Variants in HECW1 observed in about 807,000 individuals in gnomAD.
The protein encoded by HECW1 is E3 ubiquitin-protein ligase HECW1.
A neutral mutation model predicts 182.3 loss-of-function variants in HECW1; 61 were observed. The ratio of observed to expected loss-of-function variants is 0.33; its 90% CI spans 0.27 to 0.41. HECW1 has a LOEUF of 0.41. HECW1 is among the 10% of genes least tolerant of loss of function. The probability of loss-of-function intolerance (pLI) is 1.00; values close to 1 mark genes in which losing one functional copy is unlikely to be tolerated. For synonymous variants in HECW1, 859 were observed against 832.6 expected, an observed-to-expected ratio of 1.03 and a Z score of -0.55; for missense variants, 1,739 against 2,108.9, an observed-to-expected ratio of 0.82 and a Z score of 3.44.
chr7:43,550,569 C>A lies in HECW1; in HGVS notation c.4373C>A (p.Ala1458Glu). The change falls in exon 27 of 30, where the codon GCG (alanine) becomes GAG (glutamate). Residue 1458 changes from alanine to glutamate, a missense_variant. By Grantham distance (107) the Ala-to-Glu change is moderately radical. Coordinates refer to ENST00000395891, the MANE Select transcript of HECW1 (RefSeq NM_015052.5). ...CGCGGCGTGGTACAGCAGACCGAGGCGCTGGTGCGCGGCTTCTACGAGGTG... is the reference window on the plus strand; with the variant it reads ...CGCGGCGTGGTACAGCAGACCGAGGAGCTGGTGCGCGGCTTCTACGAGGTG... ...VERGVVQQTE[A>E]LVRGFYEVVD... 1 of 1,606,820 alleles carries A rather than the reference C, an allele frequency of 6.2e-7. No individual in the cohort carries two copies. The highest frequency in any genetic ancestry group is 8.5e-7 in the Non-Finnish European group (1 of 1,176,778).
chr7:43,188,945 T>C (rs1450031503), intron 2 of HECW1, among the ~76,000 whole-genome samples: 1 of 152,206 alleles, frequency 6.6e-6, no homozygotes, highest in Non-Finnish European at 1.5e-5. Flanking sequence ...ACAGCCTACA[T>C]TTAAGCCAAT....
chr7:43,203,619 G>A (rs56105653), intron 2 of HECW1, among the ~76,000 whole-genome samples: 50,949 of 151,920 alleles, frequency 0.34, 9,474 homozygotes, highest in Non-Finnish European at 0.41. Context: ...CACCATACCC[G>A]GCTAATTTTT....
At chr7:43,165,410 T>G (rs1429710239) in intron 2 of HECW1, among the ~76,000 whole-genome samples, 2 of 150,174 alleles carry the variant, frequency 1.3e-5, no homozygotes, top group African/African-American at 2.5e-5. Flanking sequence ...GGGGGGGTGT[T>G]TGTGTGTGTG....
At chr7:43,125,825 G>C (rs150533381) in intron 2 of HECW1, among the ~76,000 whole-genome samples, 1 of 150,358 alleles carries the variant, frequency 6.7e-6, no homozygotes, top group Non-Finnish European at 1.5e-5. Flanking sequence ...GGAGCCAAGC[G>C]GCCTTTTGTA....
chr7:43,519,762 A>G (rs904787825), intron 24 of HECW1, among the ~76,000 whole-genome samples: 63 of 152,232 alleles, frequency 4.1e-4, no homozygotes, highest in African/African-American at 1.4e-3. Flanking sequence ...AGATTTCCTC[A>G]AGATATTGTT....
intron 2 of HECW1, among the ~76,000 whole-genome samples, chr7:43,142,734 G>C (rs1255140797): frequency 6.6e-6 from 1 of 152,162 alleles, no homozygotes. Context: ...TATACACATT[G>C]GTTCTTTTAG....
chr7:43,335,223 C>A (rs1049503811), intron 5 of HECW1, among the ~76,000 whole-genome samples: 1 of 152,156 alleles, frequency 6.6e-6, no homozygotes, highest in African/African-American at 2.4e-5. Flanking sequence ...TTACTGCTAG[C>A]CTAATCACCA....
chr7:43,501,183 CT>C (rs567367189), intron 20 of HECW1, 29 bp from the exon 21 acceptor site: 68,160 of 733,138 alleles, frequency 0.093, 57 homozygotes, highest in East Asian at 0.17. Context: ...TCTTTTCTTT[CT>C]TTTTTTTTTT....
chr7:43,528,505 G>A (rs13226386), intron 24 of HECW1, among the ~76,000 whole-genome samples: 82,652 of 152,068 alleles, frequency 0.54, 22,629 homozygotes, highest in Non-Finnish European at 0.59. Context: ...TCACACTTTC[G>A]AATGATCAGT....
At chr7:43,318,261 T>A (rs140997678) in intron 4 of HECW1, among the ~76,000 whole-genome samples, 1 of 152,318 alleles carries the variant, frequency 6.6e-6, no homozygotes, top group African/African-American at 2.4e-5. Flanking sequence ...TCTACCTGGG[T>A]GTGAAACTTG....
chr7:43,251,241 A>G (rs1799995097), intron 3 of HECW1, among the ~76,000 whole-genome samples: 1 of 152,188 alleles, frequency 6.6e-6, no homozygotes, highest in Non-Finnish European at 1.5e-5. Flanking sequence ...CTGCAATCCC[A>G]GATTCCTTTT....
At chr7:43,332,252 A>G (rs1035026046) in intron 5 of HECW1, among the ~76,000 whole-genome samples, 51 of 152,240 alleles carry the variant, frequency 3.3e-4, no homozygotes, top group Admixed American at 1.7e-3. Context: ...GCCACTCTAC[A>G]TACAAAATGA....
At chr7:43,479,562 G>GC in intron 16 of HECW1, 48 bp from the exon 17 acceptor site, 1 of 1,611,424 alleles carries the variant, frequency 6.2e-7, no homozygotes, top group Non-Finnish European at 8.5e-7. Context: ...CTCCATTTTG[G>GC]CCTATTCTCA....
At chr7:43,129,822 G>T (rs1392809367) in intron 2 of HECW1, among the ~76,000 whole-genome samples, 1 of 152,104 alleles carries the variant, frequency 6.6e-6, no homozygotes, top group African/African-American at 2.4e-5. Context: ...TGTGGTACCT[G>T]CCCATAAGCT....
At chr7:43,269,453 G>A (rs951280158) in intron 3 of HECW1, among the ~76,000 whole-genome samples, 3 of 152,184 alleles carry the variant, frequency 2.0e-5, no homozygotes, top group Non-Finnish European at 4.4e-5. Context: ...CACGCCCATG[G>A]CATTTCACTA....
chr7:43,366,340 G>T (rs941967988), intron 6 of HECW1, among the ~76,000 whole-genome samples: 1 of 152,064 alleles, frequency 6.6e-6, no homozygotes, highest in African/African-American at 2.4e-5. Flanking sequence ...ACAAATAATT[G>T]ATAAATACCC....
chr7:43,252,419 G>A lies in HECW1; in HGVS notation c.27+8487G>A, dbSNP rs556019204. On this transcript the variant is annotated intron_variant, in intron 3 of 29. Transcript: ENST00000395891. ...CTGGCAGCTTTAGCATCACCTGGGA[G>A]CTCCAAAAAGTAAACTCCAGAGCCC... Among the ~76,000 whole-genome samples the A allele has an allele frequency of 3.3e-5, 5 of 152,326 alleles. No homozygotes were observed. In the South Asian group the frequency reaches 8.3e-4, roughly 25 times the overall value.
chr7:43,188,822 C>T (rs1411349516), intron 2 of HECW1, among the ~76,000 whole-genome samples: 1 of 152,182 alleles, frequency 6.6e-6, no homozygotes, highest in East Asian at 1.9e-4. Context: ...ACTTGGCCAA[C>T]AGTACAGTGC....
intron 8 of HECW1, among the ~76,000 whole-genome samples, chr7:43,429,336 A>G (rs1283068846): frequency 2.9e-5 from 3 of 103,852 alleles, no homozygotes; most frequent in Non-Finnish European, 4.0e-5. Flanking sequence ...ATATATATAT[A>G]CATATATGCA....
Sources: gnomAD v4.1 joint callset for allele counts (sites outside exome capture counted in the v4.1 genomes callset) on GRCh38, gnomAD v4.1.1 for gene constraint, MANE v1.5 for transcripts, NCBI Gene and HGNC (gene_info 2026-07-23, HGNC 2026-07-21) for gene names.